The following ADAMTS6 variants were observed in gnomAD, a reference collection of about 807,000 sequenced individuals.
ADAMTS6 encodes ADAM metallopeptidase with thrombospondin type 1 motif 6.
ADAMTS6 carries 23 observed loss-of-function variants against 144.3 expected under a neutral mutation model. The ratio of observed to expected loss-of-function variants is 0.16; its 90% CI spans 0.11 to 0.23. The LOEUF (loss-of-function observed/expected upper bound fraction) is 0.23. Among genes scored for constraint, ADAMTS6 ranks in the 10% least tolerant of loss-of-function variants. The pLI, the probability that ADAMTS6 is intolerant of heterozygous loss-of-function variation, is 1.00. For missense variants in ADAMTS6, 999 were observed against 1,379.6 expected (o/e 0.72, Z 4.37); for synonymous variants, 444 against 457.5 (o/e 0.97, Z 0.38).
In ADAMTS6 at chr5:65,152,036, C is replaced by T. The variant is rs1752167278; in HGVS notation, c.3245-91G>A. On this transcript the variant is annotated intron_variant, in intron 24 of 24. Coordinates refer to ENST00000381055, the MANE Select transcript of ADAMTS6 (RefSeq NM_197941.4). ...ATGGGCCTGCATGTTCAGCAAGGAC[C>T]CCCTTTGGGCCAATCCACCTTGGCT... 6.4e-6 allele frequency: 7 copies of T among 1,090,592 alleles called. No individual in the cohort carries two copies. The African/African-American group carries it at 9.3e-5, about 14-fold the overall frequency. 67.6% of individuals were successfully genotyped at this position (1,090,592 alleles called of 1,614,324 possible). A position where few individuals can be genotyped will look rare whatever the true frequency, so the allele number is the denominator to read the frequency against.
At chr5:65,225,671 G>A (rs1160424229) in intron 16 of ADAMTS6, among the ~76,000 whole-genome samples, 1 of 152,142 alleles carries the variant, frequency 6.6e-6, no homozygotes, top group Non-Finnish European at 1.5e-5. Context: ...GGAGGAGCAT[G>A]GCTGTTTCAC....
chr5:65,425,966 T>C (rs1756482450), intron 7 of ADAMTS6, among the ~76,000 whole-genome samples: 1 of 151,850 alleles, frequency 6.6e-6, no homozygotes, highest in Admixed American at 6.6e-5. Flanking sequence ...GATTTCACCA[T>C]GGTCTCGATC....
intron 24 of ADAMTS6, among the ~76,000 whole-genome samples, chr5:65,160,314 T>C (rs1301588783): frequency 6.6e-6 from 1 of 151,614 alleles, no homozygotes; most frequent in Non-Finnish European, 1.5e-5. Context: ...ACTTTCTTTT[T>C]TTTTTTTTTT....
At chr5:65,469,229 T>C (rs1005763601) in intron 3 of ADAMTS6, among the ~76,000 whole-genome samples, 5 of 152,206 alleles carry the variant, frequency 3.3e-5, no homozygotes, top group Non-Finnish European at 7.3e-5. Flanking sequence ...CATTCTGTCT[T>C]CTTTATTCTC....
intron 7 of ADAMTS6, among the ~76,000 whole-genome samples, chr5:65,389,478 A>G (rs1193294427): frequency 1.3e-5 from 2 of 152,306 alleles, no homozygotes; most frequent in Admixed American, 6.5e-5. Context: ...TGTAAGAGCT[A>G]TAAGCATAAA....
chr5:65,477,486 T>C (rs926517790), intron 1 of ADAMTS6, among the ~76,000 whole-genome samples: 10 of 152,190 alleles, frequency 6.6e-5, no homozygotes, highest in Admixed American at 3.9e-4. Flanking sequence ...TTTTTGTAAA[T>C]TGTTACAGTT....
rs10471651 is a variant in ADAMTS6, at chr5:65,178,418, T to C, written c.2911-5410A>G. On this transcript the variant is annotated intron_variant, in intron 22 of 24. Coordinates refer to ENST00000381055, the MANE Select transcript of ADAMTS6 (RefSeq NM_197941.4). ...GGGTGACAGTTAATAAAAATGTAGATTGGATAAACTACATCTATTATAACC... is the reference window on the plus strand; with the variant it reads ...GGGTGACAGTTAATAAAAATGTAGACTGGATAAACTACATCTATTATAACC... Among the ~76,000 whole-genome samples, 626 of 152,266 alleles carry C rather than the reference T, an allele frequency of 4.1e-3. 8 individuals are homozygous for C. Among genetic ancestry groups the C allele is most frequent in the African/African-American group, 0.015 (610 of 41,546 alleles).
intron 21 of ADAMTS6, among the ~76,000 whole-genome samples, chr5:65,193,145 G>C (rs1274904320): frequency 3.3e-5 from 5 of 151,828 alleles, no homozygotes; most frequent in Non-Finnish European, 5.9e-5. Flanking sequence ...AACTTTGAAA[G>C]TATAAGAGTG....
intron 18 of ADAMTS6, among the ~76,000 whole-genome samples, chr5:65,220,652 C>T: frequency 6.6e-6 from 1 of 152,080 alleles, no homozygotes; most frequent in East Asian, 1.9e-4. Context: ...GAGGCTGAGG[C>T]AGGAGAATGG....
intron 8 of ADAMTS6, among the ~76,000 whole-genome samples, chr5:65,333,031 GC>G (rs1349093323): frequency 6.6e-6 from 1 of 152,088 alleles, no homozygotes; most frequent in Non-Finnish European, 1.5e-5. Flanking sequence ...AACTTCCCAG[GC>G]AGTTGCATAA....
At chr5:65,393,820 T>C (rs563178974) in intron 7 of ADAMTS6, among the ~76,000 whole-genome samples, 81 of 152,336 alleles carry the variant, frequency 5.3e-4, no homozygotes, top group Non-Finnish European at 8.7e-4. Context: ...CAAAATGATG[T>C]TGATTTTAGG....
At chr5:65,290,747 C>T (rs954556839) in intron 11 of ADAMTS6, among the ~76,000 whole-genome samples, 9 of 152,018 alleles carry the variant, frequency 5.9e-5, no homozygotes, top group African/African-American at 1.9e-4. Context: ...CTGATGTAGA[C>T]ACTGTGACTT....
chr5:65,350,802 C>T (rs528454613), intron 7 of ADAMTS6, among the ~76,000 whole-genome samples: 15 of 152,154 alleles, frequency 9.9e-5, no homozygotes, highest in Admixed American at 2.6e-4. Flanking sequence ...TACAGGCTTG[C>T]GCAACCAGGC....
chr5:65,426,003 G>A lies in ADAMTS6; in HGVS notation c.1073+25472C>T, dbSNP rs375622549. 8.7e-3 allele frequency among the ~76,000 whole-genome samples: 1,313 copies of A among 151,056 alleles called. 10 individuals carry two copies. The highest frequency in any genetic ancestry group is 0.022 in the African/African-American group (915 of 41,232). On this transcript the variant is annotated intron_variant, in intron 7 of 24. Transcript: ENST00000381055. ...CCTGACCTCGTGATCCGCCCGCCTC[G>A]GCCTCCCAAAGTGCTGGGATTACAG... is the stretch of plus-strand genomic sequence containing the variant.
At chr5:65,274,076 T>C (rs1007501861) in intron 11 of ADAMTS6, among the ~76,000 whole-genome samples, 1 of 152,204 alleles carries the variant, frequency 6.6e-6, no homozygotes, top group African/African-American at 2.4e-5. Flanking sequence ...CTGCTGTTTA[T>C]AGAATGCTTT....
rs531194810 is a variant in ADAMTS6, at chr5:65,407,871, A to G, written c.1073+43604T>C. ...CATTATTAAAGAAAAGAATTTTCAAACCAGAATTTCATATCCAGCCAAACT... is the reference window on the plus strand; with the variant it reads ...CATTATTAAAGAAAAGAATTTTCAAGCCAGAATTTCATATCCAGCCAAACT... On this transcript the variant is annotated intron_variant, in intron 7 of 24. Transcript: ENST00000381055. Among the ~76,000 whole-genome samples the G allele has an allele frequency of 1.4e-4, 21 of 152,240 alleles. No individual in the cohort carries two copies. The East Asian group carries it at 4.1e-3, about 29-fold the overall frequency.
chr5:65,418,332 A>G (rs563279815), intron 7 of ADAMTS6, among the ~76,000 whole-genome samples: 1 of 152,356 alleles, frequency 6.6e-6, no homozygotes, highest in African/African-American at 2.4e-5. Context: ...CTAAGTCCTC[A>G]GAAGCAATTG....
At chr5:65,210,529 G>A in intron 20 of ADAMTS6, 1 of 413,496 alleles carries the variant, frequency 2.4e-6, no homozygotes, top group Non-Finnish European at 4.6e-6. Context: ...AAGCATTGAT[G>A]TTCAACCAGG....
At chr5:65,428,733 C>T (rs1361624082) in intron 7 of ADAMTS6, among the ~76,000 whole-genome samples, 2 of 152,118 alleles carry the variant, frequency 1.3e-5, no homozygotes, top group African/African-American at 2.4e-5. Flanking sequence ...CTTTCTAGAG[C>T]GTTTATCTGG....
Sources: gnomAD v4.1 joint callset for allele counts (sites outside exome capture counted in the v4.1 genomes callset) on GRCh38, gnomAD v4.1.1 for gene constraint, MANE v1.5 for transcripts, NCBI Gene and HGNC (gene_info 2026-07-23, HGNC 2026-07-21) for gene names.